Variants in ACSS3 observed in about 807,000 individuals in gnomAD.
The protein encoded by ACSS3 is acyl-CoA synthetase short-chain family member 3, mitochondrial.
A neutral mutation model predicts 84.2 loss-of-function variants in ACSS3; 64 were observed. The observed-to-expected ratio is 0.76, with a 90% confidence interval of 0.62 to 0.94. ACSS3 has a LOEUF of 0.94. Among genes scored for constraint, ACSS3 ranks in the 40% least tolerant of loss-of-function variants. ACSS3 has a pLI of 0.00. For synonymous variants in ACSS3, 317 were observed against 310.1 expected, an observed-to-expected ratio of 1.02 and a Z score of -0.23; for missense variants, 815 against 867.6, an observed-to-expected ratio of 0.94 and a Z score of 0.76.
intron 7 of ACSS3, among the ~76,000 whole-genome samples, chr12:81,162,495 T>G (rs1887201063): frequency 6.6e-6 from 1 of 152,168 alleles, no homozygotes; most frequent in African/African-American, 2.4e-5. Flanking sequence ...AGAAAGTGCA[T>G]GCTGATTGGC....
At position 81,220,077 on chromosome 12, in the gene ACSS3, G is replaced by A. The variant is rs771826922; in HGVS notation, c.1514+1G>A. 9.1e-6 allele frequency: 14 copies of A among 1,533,790 alleles called. No homozygotes were observed. In the South Asian group the frequency reaches 1.9e-4, roughly 20 times the overall value. On this transcript the variant is annotated splice_donor_variant, in intron 11 of 15. Transcript: ENST00000548058. LOFTEE classifies it high-confidence loss of function. ...GGTGTTTAGGAAATATTGTGGTAAA[G>A]TAAGCAAAAATTTCAATACTACTAT...
chr12:81,122,762 C>CTAATAGTTGAATTTTCTTT (rs1884740319), intron 2 of ACSS3, among the ~76,000 whole-genome samples: 1 of 152,218 alleles, frequency 6.6e-6, no homozygotes, highest in East Asian at 1.9e-4. Flanking sequence ...AGTTACCTCT[C>CTAATAGTTGAATTTTCTTT]TAATAGTTGA....
intron 7 of ACSS3, among the ~76,000 whole-genome samples, chr12:81,165,367 C>T (rs1184517259): frequency 2.0e-5 from 3 of 152,100 alleles, no homozygotes; most frequent in Non-Finnish European, 2.9e-5. Context: ...GTACAGAGGC[C>T]GGGCGCAGTG....
At chr12:81,088,326 A>G (rs576487018) in intron 1 of ACSS3, among the ~76,000 whole-genome samples, 54 of 152,166 alleles carry the variant, frequency 3.5e-4, no homozygotes, top group Non-Finnish European at 5.9e-4. Context: ...TGCAATCGTT[A>G]CCGTATGGCA....
In ACSS3 at chr12:81,199,327, T is replaced by C. The variant is rs2031992222; in HGVS notation, c.1251-14T>C. 1.3e-6 allele frequency: 2 copies of C among 1,587,480 alleles called. No individual in the cohort carries two copies. ...TTTTCCAGGAATAATTTGAATTCAC[T>C]GTCTCATATTCAGGTTCAAAACATT... On this transcript the variant is annotated splice_polypyrimidine_tract_variant and intron_variant, in intron 8 of 15. Coordinates refer to ENST00000548058, the MANE Select transcript of ACSS3 (RefSeq NM_024560.4).
At chr12:81,207,513 A>G (rs2032398214) in intron 9 of ACSS3, among the ~76,000 whole-genome samples, 1 of 152,150 alleles carries the variant, frequency 6.6e-6, no homozygotes, top group African/African-American at 2.4e-5. Flanking sequence ...GTGAAGTGAA[A>G]TATGTACTAA....
chr12:81,240,834 T>C (rs2033775405), intron 13 of ACSS3, among the ~76,000 whole-genome samples: 1 of 151,838 alleles, frequency 6.6e-6, no homozygotes, highest in African/African-American at 2.4e-5. Context: ...GATAGCAAAA[T>C]ATTTCTTTTT....
chr12:81,139,434 C>A (rs190636818), intron 4 of ACSS3, among the ~76,000 whole-genome samples, 169 bp downstream of exon 4: 1 of 151,850 alleles, frequency 6.6e-6, no homozygotes, highest in African/African-American at 2.4e-5. Context: ...TCATGAAAAT[C>A]TAGCTTAAAA....
At chr12:81,240,629 T>C (rs998911935) in intron 13 of ACSS3, among the ~76,000 whole-genome samples, 32 of 151,952 alleles carry the variant, frequency 2.1e-4, no homozygotes, top group Non-Finnish European at 2.9e-4. Context: ...TATTTCTGTC[T>C]TTCTTTCTCT....
At chr12:81,213,798 C>CTTCTA (rs2032736508) in intron 9 of ACSS3, among the ~76,000 whole-genome samples, 1 of 28,516 alleles carries the variant, frequency 3.5e-5, no homozygotes, top group African/African-American at 1.1e-4. Flanking sequence ...TCTCTTTTCT[C>CTTCTA]TTCTCTTCTC....
At chr12:81,099,566 G>C (rs1272684305) in intron 1 of ACSS3, among the ~76,000 whole-genome samples, 2 of 152,050 alleles carry the variant, frequency 1.3e-5, no homozygotes, top group Middle Eastern at 3.2e-3. Context: ...AATATATTAA[G>C]CTTTGTTATT....
intron 7 of ACSS3, among the ~76,000 whole-genome samples, chr12:81,165,675 G>A (rs1188545592): frequency 2.0e-5 from 3 of 151,828 alleles, no homozygotes; most frequent in Non-Finnish European, 2.9e-5. Flanking sequence ...TTAATATAAA[G>A]TACAGAAAGC....
At chr12:81,238,402 G>C (rs1239324001) in intron 13 of ACSS3, among the ~76,000 whole-genome samples, 1 of 151,716 alleles carries the variant, frequency 6.6e-6, no homozygotes, top group Non-Finnish European at 1.5e-5. Flanking sequence ...TCTGTCATTG[G>C]AACGACAGAT....
At chr12:81,118,298 G>A (rs565748007) in intron 2 of ACSS3, among the ~76,000 whole-genome samples, 2 of 152,210 alleles carry the variant, frequency 1.3e-5, no homozygotes, top group South Asian at 4.2e-4. Context: ...AAGATTATGA[G>A]GTTTAGCTTG....
chr12:81,121,047 G>A (rs972445768), intron 2 of ACSS3, among the ~76,000 whole-genome samples: 3 of 152,098 alleles, frequency 2.0e-5, no homozygotes, highest in Non-Finnish European at 2.9e-5. Context: ...TTGGTTGAGC[G>A]ATGTAGATGT....
At chr12:81,121,668 T>A (rs947336476) in intron 2 of ACSS3, among the ~76,000 whole-genome samples, 7 of 152,108 alleles carry the variant, frequency 4.6e-5, no homozygotes, top group African/African-American at 1.7e-4. Flanking sequence ...TAATGAATGA[T>A]ATTGCTCTAC....
Position 81,118,995 on chromosome 12 carries a change from C to T in ACSS3, c.456+9291C>T, listed in dbSNP as rs116234767. On this transcript the variant is annotated intron_variant, in intron 2 of 15. Transcript: ENST00000548058. ...AAGGCTTCACTATTGGGGGAACCCA[C>T]CCCCGATATTTCGTAGGTTCTTTCT... Among the ~76,000 whole-genome samples the T allele has an allele frequency of 3.9e-5, 6 of 152,226 alleles. No individual in the cohort carries two copies. The South Asian group carries it at 1.2e-3, about 32-fold the overall frequency.
chr12:81,210,743 CTG>C (rs2032558136), intron 9 of ACSS3, among the ~76,000 whole-genome samples: 1 of 152,142 alleles, frequency 6.6e-6, no homozygotes, highest in African/African-American at 2.4e-5. Context: ...AGTGATGAGA[CTG>C]GAATCTAATA....
chr12:81,099,506 T>G (rs995587548), intron 1 of ACSS3, among the ~76,000 whole-genome samples: 1 of 152,182 alleles, frequency 6.6e-6, no homozygotes, highest in Non-Finnish European at 1.5e-5. Flanking sequence ...TCATACAAAG[T>G]GCGATATGGC....
Sources: allele counts gnomAD v4.1 joint callset (sites outside exome capture counted in the v4.1 genomes callset), GRCh38; gene constraint gnomAD v4.1.1; transcripts MANE v1.5; gene names NCBI Gene and HGNC (gene_info 2026-07-23, HGNC 2026-07-21).